DMD: variants seen among roughly 807,000 people sequenced by gnomAD.
DMD encodes mutant dystrophin.
DMD carries 63 observed loss-of-function variants against 330.1 expected under a neutral mutation model. That is an observed-to-expected ratio of 0.19 (90% CI 0.16 to 0.24). DMD has a LOEUF of 0.24. Ranked by LOEUF, DMD falls within the 10% of genes least tolerant of loss-of-function variation. DMD has a pLI of 1.00. For synonymous variants in DMD, 1,223 were observed against 959.8 expected (o/e 1.27, Z -5.07); for missense variants, 3,344 against 2,684.1 (o/e 1.25, Z -5.43).
In DMD at chrX:32,438,462, A is replaced by G. The variant is rs1207571118; in HGVS notation, c.3922-72T>C. Reference sequence around the variant, plus strand: ...TACATTGGATTATCAGCAAATGCTCAGTATCTTCTGATTTACATATAATTA... The same window carrying G: ...TACATTGGATTATCAGCAAATGCTCGGTATCTTCTGATTTACATATAATTA... On this transcript the variant is annotated intron_variant, in intron 28 of 78. Coordinates refer to ENST00000357033, the MANE Select transcript of DMD (RefSeq NM_004006.3). The G allele has an allele frequency of 2.7e-6, 3 of 1,097,023 alleles. No individual in the cohort carries two copies. The African/African-American group carries it at 5.5e-5, about 20-fold the overall frequency. 90.4% of individuals were successfully genotyped at this position (1,097,023 alleles called of 1,213,427 possible).
intron 2 of DMD, among the ~76,000 whole-genome samples, chrX:33,007,498 T>C (rs748208022): frequency 9.0e-6 from 1 of 111,654 alleles, no homozygotes; most frequent in Admixed American, 9.6e-5. Flanking sequence ...ATTCTACCCT[T>C]ATCCTGCTTT....
intron 37 of DMD, among the ~76,000 whole-genome samples, chrX:32,361,154 A>G: frequency 9.0e-6 from 1 of 111,696 alleles, no homozygotes; most frequent in East Asian, 2.8e-4. Flanking sequence ...GTGTGTGTCT[A>G]TATCTTAGTA....
At chrX:33,179,599 C>A (rs1294128497) in intron 1 of DMD, among the ~76,000 whole-genome samples, 3 of 107,210 alleles carry the variant, frequency 2.8e-5, no homozygotes, top group Non-Finnish European at 5.8e-5. Context: ...GAGCCTGAGG[C>A]AGGAGAATGG....
chrX:32,281,426 A>G (rs1212117233), intron 43 of DMD, among the ~76,000 whole-genome samples: 1 of 112,272 alleles, frequency 8.9e-6, no homozygotes, highest in African/African-American at 3.2e-5. Flanking sequence ...TTTAAAATGT[A>G]AGTATAAATT....
At chrX:32,934,591 A>C (rs1207699377) in intron 2 of DMD, among the ~76,000 whole-genome samples, 5 of 111,637 alleles carry the variant, frequency 4.5e-5, no homozygotes, top group African/African-American at 1.3e-4. Flanking sequence ...TTTTTCCCCA[A>C]TTTTTATGAT....
chrX:31,608,299 A>T (rs181205966), intron 55 of DMD, among the ~76,000 whole-genome samples: 1 of 112,003 alleles, frequency 8.9e-6, no homozygotes, highest in East Asian at 2.8e-4. Context: ...TCCAAAATTT[A>T]GTACAGAAGT....
chrX:31,581,967 A>G (rs1219459861), intron 55 of DMD, among the ~76,000 whole-genome samples: 2 of 111,973 alleles, frequency 1.8e-5, no homozygotes, highest in African/African-American at 6.5e-5. Context: ...CTTGTATACC[A>G]GTGCCACCAT....
At chrX:31,463,670 T>C (rs2066672340) in intron 59 of DMD, among the ~76,000 whole-genome samples, 2 of 111,666 alleles carry the variant, frequency 1.8e-5, no homozygotes, top group African/African-American at 6.5e-5. Flanking sequence ...TCCATTTTCT[T>C]AGGAAATATG....
rs764583863 is a variant in DMD at position 31,400,873 on chromosome X, C to T, written c.9084+43608G>A. Among the ~76,000 whole-genome samples, 4 of 111,790 alleles carry T rather than the reference C, an allele frequency of 3.6e-5. No homozygotes were observed. In the South Asian group the frequency reaches 1.1e-3, roughly 31 times the overall value. On this transcript the variant is annotated intron_variant, in intron 60 of 78. Transcript: ENST00000357033. ...TTAGAGAAGATACGAAAATTGACAACGAGTATTTTACAGATGTAGAGAAGT... is the reference window on the plus strand; with the variant it reads ...TTAGAGAAGATACGAAAATTGACAATGAGTATTTTACAGATGTAGAGAAGT...
chrX:33,094,833 A>G (rs1339331087), intron 1 of DMD, among the ~76,000 whole-genome samples: 1 of 110,423 alleles, frequency 9.1e-6, no homozygotes, highest in Admixed American at 9.7e-5. Flanking sequence ...GAAAAAAAAG[A>G]AAGAGCAAGA....
At chrX:32,270,080 A>T (rs938048975) in intron 43 of DMD, among the ~76,000 whole-genome samples, 1 of 112,323 alleles carries the variant, frequency 8.9e-6, no homozygotes, top group Non-Finnish European at 1.9e-5. Flanking sequence ...CTTCAAGGGT[A>T]TCCTGTGAGC....
chrX:33,198,673 A>G (rs1039153219), intron 1 of DMD, among the ~76,000 whole-genome samples: 3 of 111,674 alleles, frequency 2.7e-5, no homozygotes, highest in African/African-American at 9.7e-5. Context: ...GTTCCAGGTA[A>G]TAAAGTGGTG....
intron 55 of DMD, among the ~76,000 whole-genome samples, chrX:31,578,685 G>T (rs2076213555): frequency 8.9e-6 from 1 of 111,931 alleles, no homozygotes; most frequent in Non-Finnish European, 1.9e-5. Flanking sequence ...GACTAATTCA[G>T]AAACTAAGAT....
intron 1 of DMD, among the ~76,000 whole-genome samples, chrX:33,167,634 T>C (rs946736468): frequency 9.0e-6 from 1 of 111,001 alleles, no homozygotes; most frequent in African/African-American, 3.3e-5. Context: ...AGAAAAATGA[T>C]TTTGAGAGTA....
intron 67 of DMD, among the ~76,000 whole-genome samples, chrX:31,203,223 A>G (rs2043686857): frequency 1.0e-5 from 1 of 100,073 alleles, no homozygotes; most frequent in South Asian, 5.2e-4. Context: ...TGGAGGTTGC[A>G]GTGAGCAGAG....
At chrX:31,158,417 T>C (rs1037030822) in intron 74 of DMD, among the ~76,000 whole-genome samples, 2 of 111,768 alleles carry the variant, frequency 1.8e-5, no homozygotes, top group African/African-American at 6.5e-5. Context: ...AGACAGAAAG[T>C]AGATCAGGGA....
intron 1 of DMD, among the ~76,000 whole-genome samples, chrX:33,158,022 A>G (rs1301434793): frequency 8.9e-6 from 1 of 111,957 alleles, no homozygotes; most frequent in Non-Finnish European, 1.9e-5. Context: ...TGGGCAGAGA[A>G]GTCATGCTTG....
chrX:32,121,742 T>C (rs1423122353), intron 44 of DMD, among the ~76,000 whole-genome samples: 1 of 100,208 alleles, frequency 1.0e-5, no homozygotes, highest in Non-Finnish European at 2.0e-5. Flanking sequence ...AAAAAATGTG[T>C]GTGTGTGTGT....
At chrX:32,405,395 T>G (rs1467561495) in intron 30 of DMD, among the ~76,000 whole-genome samples, 1 of 112,070 alleles carries the variant, frequency 8.9e-6, no homozygotes, top group South Asian at 3.7e-4. Flanking sequence ...TTTATTTATT[T>G]CCAAGGAACA....
Sources: gnomAD v4.1 joint callset for allele counts (sites outside exome capture counted in the v4.1 genomes callset) on GRCh38, gnomAD v4.1.1 for gene constraint, MANE v1.5 for transcripts, NCBI Gene and HGNC (gene_info 2026-07-23, HGNC 2026-07-21) for gene names.